ZNF214: variants seen among roughly 807,000 people sequenced by gnomAD.
ZNF214 encodes the protein BWSCR2-associated zinc finger protein 1.
In ZNF214, 43 loss-of-function variants were observed where a neutral mutation model predicts 53.9. The ratio of observed to expected loss-of-function variants is 0.80; its 90% CI spans 0.63 to 1.03. The LOEUF is 1.03. Among genes scored for constraint, ZNF214 ranks in the 50% least tolerant of loss-of-function variants. The probability of loss-of-function intolerance (pLI) is 0.00; values close to 1 mark genes in which losing one functional copy is unlikely to be tolerated. For synonymous variants in ZNF214, 217 were observed against 229.5 expected (o/e 0.95, Z 0.49); for missense variants, 724 against 719.1 (o/e 1.01, Z -0.08).
In ZNF214 at chr11:6,998,892, T is replaced by G. The variant is rs2857931; in HGVS notation, c.*970A>C. Among the ~76,000 whole-genome samples the G allele has an allele frequency of 0.15, 22,736 of 152,010 alleles. 2,100 individuals are homozygous for G. The highest frequency in any genetic ancestry group is 0.21 in the Non-Finnish European group (14,365 of 67,890). Reference sequence around the variant, plus strand: ...ATATTTGTGTATCAATAATTAAGACTGTGTATTCCGACTAACTCTATTCTG... The same window carrying G: ...ATATTTGTGTATCAATAATTAAGACGGTGTATTCCGACTAACTCTATTCTG... On this transcript the variant is annotated 3_prime_UTR_variant, in exon 3 of 3. Coordinates refer to ENST00000278314, the MANE Select transcript of ZNF214 (RefSeq NM_013249.4).
Position 6,999,884 on chromosome 11 carries a change from T to C in ZNF214, c.1799A>G (p.Asn600Ser), listed in dbSNP as rs145373332. The change falls in exon 3 of 3, where the codon AAT becomes AGT. Residue 600 changes from asparagine to serine, a missense_variant. Transcript: ENST00000278314. ...TATTTATAAGTTTCCTCTTCTATGATTATTGTGAAGATGTGAATTATGATC... is the reference window on the plus strand; with the variant it reads ...TATTTATAAGTTTCCTCTTCTATGACTATTGTGAAGATGTGAATTATGATC... Reference protein sequence around the residue: ...GFDHNSHLHNNHRRGNL With the variant: ...GFDHNSHLHNSHRRGNL 3.5e-4 allele frequency: 559 copies of C among 1,608,964 alleles called. No individual in the cohort carries two copies. The African/African-American group carries it at 6.6e-3, about 19-fold the overall frequency.
At chr11:7,014,378 G>A (rs1464488893) in intron 1 of ZNF214, among the ~76,000 whole-genome samples, 1 of 152,120 alleles carries the variant, frequency 6.6e-6, no homozygotes, top group African/African-American at 2.4e-5. Context: ...CAGATAAGTT[G>A]TTCATACTAT....
intron 1 of ZNF214, among the ~76,000 whole-genome samples, chr11:7,015,055 C>G (rs1200971057): frequency 3.4e-5 from 5 of 145,042 alleles, no homozygotes; most frequent in Admixed American, 7.0e-5. Context: ...TAAGAGTATA[C>G]AAAAAGAGTT....
Position 6,999,669 on chromosome 11 carries a change from A to C in ZNF214, c.*193T>G. On this transcript the variant is annotated 3_prime_UTR_variant, in exon 3 of 3. Coordinates refer to ENST00000278314, the MANE Select transcript of ZNF214 (RefSeq NM_013249.4). ...TATAGTAGGTAAAGAAAAATACACT[A>C]TAATTTTAAATATATAGGGTTTTTT... The C allele has an allele frequency of 2.0e-6, 1 of 508,454 alleles. No homozygotes were observed. Among genetic ancestry groups the C allele is most frequent in the African/African-American group, 1.9e-5 (1 of 52,486 alleles). 31.5% of individuals were successfully genotyped at this position (508,454 alleles called of 1,614,324 possible).
rs1442993042 is a variant in ZNF214 at position 7,001,073 on chromosome 11, T to C, written c.610A>G (p.Ile204Val). 1 of 1,613,244 alleles carries C rather than the reference T, an allele frequency of 6.2e-7. No individual in the cohort carries two copies. The highest frequency in any genetic ancestry group is 8.5e-7 in the Non-Finnish European group (1 of 1,179,594). ...TCTCTCAGTAGGTCTTCTTGACATA[T>C]CACCCCAACATACTGTGGAAGGGCT... ...EEALPQYVGV[I>V]CQEDLLRDSM... The change falls in exon 3 of 3, where the codon ATA (isoleucine) becomes GTA (valine). Residue 204 changes from isoleucine (I) to valine (V), a missense_variant. By Grantham distance (29) the Ile-to-Val change is conservative. Coordinates refer to ENST00000278314, the MANE Select transcript of ZNF214 (RefSeq NM_013249.4).
rs1851249266 is a variant in ZNF214 at position 6,998,958 on chromosome 11, G to T, written c.*904C>A. Among the ~76,000 whole-genome samples the T allele has an allele frequency of 6.6e-6, 1 of 151,780 alleles. No individual in the cohort carries two copies. On this transcript the variant is annotated 3_prime_UTR_variant, in exon 3 of 3. Coordinates refer to ENST00000278314, the MANE Select transcript of ZNF214 (RefSeq NM_013249.4). ...TCTCTTTTTACATAATTAGCTTCAG[G>T]GTTCATCGTTGCACAGAGTTCTGAG...
At chr11:7,016,064 A>G (rs776348318) in intron 1 of ZNF214, 29 of 152,218 alleles carry the variant, frequency 1.9e-4, no homozygotes, top group Non-Finnish European at 4.0e-4. Context: ...CTCTGTCTCA[A>G]TTCTTACGTC....
At chr11:7,001,693 G>C (rs963682569) in intron 2 of ZNF214, 138 bp from the exon 3 acceptor site, 1 of 933,942 alleles carries the variant, frequency 1.1e-6, no homozygotes, top group Non-Finnish European at 1.5e-6. Flanking sequence ...GACTCTGCCT[G>C]CTCCATTTGG....
chr11:7,002,196 T>C (rs1851370883), intron 2 of ZNF214, among the ~76,000 whole-genome samples: 1 of 151,952 alleles, frequency 6.6e-6, no homozygotes, highest in Non-Finnish European at 1.5e-5. Context: ...GAGAGATATA[T>C]GGCCAACACA....
At chr11:7,011,870 GA>G (rs1343759028) in intron 1 of ZNF214, among the ~76,000 whole-genome samples, 1 of 151,132 alleles carries the variant, frequency 6.6e-6, no homozygotes, top group African/African-American at 2.4e-5. Flanking sequence ...ATTCACACCA[GA>G]AAAAAAACCC....
rs768882636 is a variant in ZNF214, at chr11:6,999,950, C to A, written c.1733G>T (p.Gly578Val). The change falls in exon 3 of 3, where the codon GGA becomes GTA. Residue 578 changes from glycine (G) to valine (V), a missense_variant. Coordinates refer to ENST00000278314, the MANE Select transcript of ZNF214 (RefSeq NM_013249.4). ...TTCACGGCATTTGTAAGGTTTCTCT[C>A]CTGCATGGACTCTTTGATGAATTCG... is the stretch of plus-strand genomic sequence containing the variant. ...ALRIHQRVHA[G>V]EKPYKCREYY... is the part of the protein sequence containing the mutation. 7.4e-6 allele frequency: 12 copies of A among 1,612,988 alleles called. No individual in the cohort carries two copies. Among genetic ancestry groups the A allele is most frequent in the Middle Eastern group, 3.3e-4 (2 of 6,080 alleles).
chr11:6,999,511 T>C lies in ZNF214; in HGVS notation c.*351A>G, dbSNP rs188988689. The C allele has an allele frequency of 2.5e-5, 4 of 159,382 alleles. No individual in the cohort carries two copies. In the Admixed American group the frequency reaches 2.5e-4, roughly 10 times the overall value. The allele number at this position is 159,382 out of a possible 1,614,324, so 9.9% of individuals were successfully genotyped here. On this transcript the variant is annotated 3_prime_UTR_variant, in exon 3 of 3. Transcript: ENST00000278314. ...CAAACCAAAATTTAAGTAAATATTTTGAAGACAGTGAAAATACAAAATTGA... is the reference window on the plus strand; with the variant it reads ...CAAACCAAAATTTAAGTAAATATTTCGAAGACAGTGAAAATACAAAATTGA...
At chr11:7,006,982 C>T (rs750410064) in intron 1 of ZNF214, among the ~76,000 whole-genome samples, 15 of 151,418 alleles carry the variant, frequency 9.9e-5, no homozygotes, top group Non-Finnish European at 1.6e-4. Flanking sequence ...TATCATAAAA[C>T]AAAACTAACA....
At chr11:7,005,393 T>C (rs569715336) in intron 1 of ZNF214, among the ~76,000 whole-genome samples, 6 of 152,094 alleles carry the variant, frequency 3.9e-5, no homozygotes, top group African/African-American at 1.4e-4. Context: ...TAAACTAAGA[T>C]GACAAGCCTA....
Position 7,000,084 on chromosome 11 carries a change from C to A in ZNF214, c.1599G>T (p.Lys533Asn), listed in dbSNP as rs763532315. Residue 533 changes from lysine (K) to asparagine (N), a missense_variant, in exon 3 of 3, where the codon AAG (lysine) becomes AAT (asparagine). Transcript: ENST00000278314. ...GAAGATTAGAACTGTGACTAAAACC[C>A]TTTCCACAATCATGACATTTATAGG... The part of the protein sequence containing the change: ...EKPYKCHDCG[K>N]GFSHSSNLHI... The A allele has an allele frequency of 6.2e-7, 1 of 1,613,284 alleles. No individual in the cohort carries two copies. The highest frequency in any genetic ancestry group is 1.7e-5 in the Admixed American group (1 of 59,884).
In ZNF214 at chr11:7,001,131, G is replaced by C. The variant is rs763371438; in HGVS notation, c.552C>G (p.Leu184=). ...KNLSMEKEQK[L]IVQHSYIPVE... is the part of the protein sequence containing the mutation. ...CTGGGATATAAGAATGCTGAACTAT[G>C]AGCTTCTGTTCTTTTTCCATGGAGA... The change falls in exon 3 of 3, where the codon CTC becomes CTG. Residue 184 remains leucine, a synonymous_variant. Coordinates refer to ENST00000278314, the MANE Select transcript of ZNF214 (RefSeq NM_013249.4). 2 of 1,613,204 alleles carry C rather than the reference G, an allele frequency of 1.2e-6. No homozygotes were observed. Among genetic ancestry groups the C allele is most frequent in the Non-Finnish European group, 1.7e-6 (2 of 1,179,554 alleles).
chr11:7,000,137 G>T lies in ZNF214; in HGVS notation c.1546C>A (p.His516Asn). Residue 516 changes from histidine to asparagine, a missense_variant, in exon 3 of 3, where the codon CAT becomes AAT. By Grantham distance (68) the His-to-Asn change is moderately conservative. Transcript: ENST00000278314. Reference sequence around the variant, plus strand: ...TTTTCTCCTGTATGGACTCTCTGATGAATGAGAAGATGTGAACGCTGACTG... The same window carrying T: ...TTTTCTCCTGTATGGACTCTCTGATTAATGAGAAGATGTGAACGCTGACTG... The part of the protein sequence containing the change: ...GFSQRSHLLI[H>N]QRVHTGEKPY... 6.2e-7 allele frequency: 1 copy of T among 1,613,310 alleles called. No individual in the cohort carries two copies. Among genetic ancestry groups the T allele is most frequent in the Non-Finnish European group, 8.5e-7 (1 of 1,179,590 alleles).
In ZNF214 at chr11:6,999,664, A is replaced by G; in HGVS notation, c.*198T>C. On this transcript the variant is annotated 3_prime_UTR_variant, in exon 3 of 3. Coordinates refer to ENST00000278314, the MANE Select transcript of ZNF214 (RefSeq NM_013249.4). Reference sequence around the variant, plus strand: ...ATATTTATAGTAGGTAAAGAAAAATACACTATAATTTTAAATATATAGGGT... The same window carrying G: ...ATATTTATAGTAGGTAAAGAAAAATGCACTATAATTTTAAATATATAGGGT... The G allele has an allele frequency of 2.1e-6, 1 of 485,174 alleles. No homozygotes were observed. The highest frequency in any genetic ancestry group is 3.5e-6 in the Non-Finnish European group (1 of 288,322). The allele number at this position is 485,174 out of a possible 1,614,324, so 30.1% of individuals were successfully genotyped here.
At chr11:7,006,582 G>T (rs1479484333) in intron 1 of ZNF214, among the ~76,000 whole-genome samples, 4 of 151,966 alleles carry the variant, frequency 2.6e-5, no homozygotes, top group Non-Finnish European at 4.4e-5. Context: ...ACCTTTTATT[G>T]TGACATTAAA....
Sources: allele counts gnomAD v4.1 joint callset (sites outside exome capture counted in the v4.1 genomes callset), GRCh38; gene constraint gnomAD v4.1.1; transcripts MANE v1.5; gene names NCBI Gene and HGNC (gene_info 2026-07-23, HGNC 2026-07-21).